The following HMCN1 variants were observed in gnomAD, a reference collection of about 807,000 sequenced individuals.
HMCN1 encodes hemicentin-1.
HMCN1 carries 321 observed loss-of-function variants against 625.9 expected under a neutral mutation model. The ratio of observed to expected loss-of-function variants is 0.51; its 90% CI spans 0.47 to 0.56. The LOEUF is 0.56. Ranked by LOEUF, HMCN1 falls within the 20% of genes least tolerant of loss-of-function variation. HMCN1 has a pLI of 0.00. For synonymous variants in HMCN1, 2,425 were observed against 2,417.6 expected (o/e 1.00, Z -0.09); for missense variants, 6,588 against 6,887.3 (o/e 0.96, Z 1.54).
At chr1:185,924,586 C>A (rs1271388488) in intron 8 of HMCN1, among the ~76,000 whole-genome samples, 1 of 151,966 alleles carries the variant, frequency 6.6e-6, no homozygotes, top group Non-Finnish European at 1.5e-5. Context: ...TCCTCATATA[C>A]GATATTCAAA....
chr1:185,821,964 A>G (rs2102270120), intron 1 of HMCN1, among the ~76,000 whole-genome samples: 1 of 152,256 alleles, frequency 6.6e-6, no homozygotes, highest in African/African-American at 2.4e-5. Context: ...CCAATCTGAA[A>G]AGGCTATGTA....
chr1:186,040,828 A>T (rs1412714829), intron 39 of HMCN1, among the ~76,000 whole-genome samples, 185 bp from the exon 40 acceptor site: 1 of 151,154 alleles, frequency 6.6e-6, no homozygotes, highest in Non-Finnish European at 1.5e-5. Context: ...CAGCCTCTTA[A>T]CATCCTTCCA....
At chr1:185,816,341 T>C (rs896746738) in intron 1 of HMCN1, among the ~76,000 whole-genome samples, 2 of 152,190 alleles carry the variant, frequency 1.3e-5, no homozygotes, top group Admixed American at 1.3e-4. Context: ...CTACTCTTTG[T>C]ACTTTGGGGA....
Position 186,144,596 on chromosome 1 carries a change from C to A in HMCN1, c.14159C>A (p.Ala4720Asp), listed in dbSNP as rs1373522788. 2 of 1,613,866 alleles carry A rather than the reference C, an allele frequency of 1.2e-6. No individual in the cohort carries two copies. The highest frequency in any genetic ancestry group is 2.7e-5 in the African/African-American group (2 of 74,870). ...TGTTCTGTGTCATGTGGAGGAGGTGCCAGACAGAGAACAAGGGGCTGCTCC... is the reference window on the plus strand; with the variant it reads ...TGTTCTGTGTCATGTGGAGGAGGTGACAGACAGAGAACAAGGGGCTGCTCC... ...SACSVSCGGGARQRTRGCSDP... is the reference protein window; with the variant it reads ...SACSVSCGGGDRQRTRGCSDP... Residue 4720 changes from alanine (A) to aspartate (D), a missense_variant, in exon 91 of 107, where the codon GCC becomes GAC. Ala to Asp is a moderately radical substitution (Grantham distance 126). Coordinates refer to ENST00000271588, the MANE Select transcript of HMCN1 (RefSeq NM_031935.3).
chr1:186,021,738 A>G (rs1003829331), intron 35 of HMCN1, among the ~76,000 whole-genome samples: 1 of 151,984 alleles, frequency 6.6e-6, no homozygotes, highest in African/African-American at 2.4e-5. Flanking sequence ...CTGAGTTCAG[A>G]TTTCATTCTG....
At chr1:185,916,194 T>A (rs1288602107) in intron 6 of HMCN1, among the ~76,000 whole-genome samples, 2 of 152,134 alleles carry the variant, frequency 1.3e-5, no homozygotes, top group Admixed American at 1.3e-4. Flanking sequence ...TATGATTGTG[T>A]CTTTGACACA....
chr1:186,131,447 C>G (rs1360974752), intron 85 of HMCN1, among the ~76,000 whole-genome samples: 1 of 152,110 alleles, frequency 6.6e-6, no homozygotes, highest in Non-Finnish European at 1.5e-5. Context: ...CTTGGTACTT[C>G]TAATACCAAT....
intron 11 of HMCN1, among the ~76,000 whole-genome samples, chr1:185,936,699 C>G (rs1431144346): frequency 1.3e-5 from 2 of 152,086 alleles, no homozygotes; most frequent in African/African-American, 4.8e-5. Context: ...ATGTATGTTT[C>G]CCACCAATGA....
chr1:186,101,419 G>T (rs1303824356), intron 68 of HMCN1, among the ~76,000 whole-genome samples: 1 of 152,092 alleles, frequency 6.6e-6, no homozygotes, highest in Non-Finnish European at 1.5e-5. Flanking sequence ...AATAGGTTCA[G>T]TCTGAATACA....
chr1:185,815,401 T>C (rs1322126851), intron 1 of HMCN1, among the ~76,000 whole-genome samples: 3 of 150,236 alleles, frequency 2.0e-5, no homozygotes, highest in African/African-American at 5.1e-5. Context: ...AATAGCATTG[T>C]AAGTGCTTAT....
intron 40 of HMCN1, 89 bp from the exon 41 acceptor site, chr1:186,045,597 TAA>T: frequency 1.0e-6 from 1 of 968,052 alleles, no homozygotes; most frequent in East Asian, 2.4e-5. Context: ...AAAGAACCAA[TAA>T]AGGTATTCAG....
At chr1:186,165,710 G>C (rs1382380877) in intron 98 of HMCN1, among the ~76,000 whole-genome samples, 1 of 152,180 alleles carries the variant, frequency 6.6e-6, no homozygotes, top group Non-Finnish European at 1.5e-5. Flanking sequence ...TCATTGGTAG[G>C]CAATGTAATA....
At chr1:186,105,844 A>G (rs758106492) in intron 69 of HMCN1, among the ~76,000 whole-genome samples, 12 of 152,216 alleles carry the variant, frequency 7.9e-5, no homozygotes, top group Non-Finnish European at 1.8e-4. Flanking sequence ...GATGATATCA[A>G]TTGTGAATGA....
At chr1:186,093,778 GT>G (rs1367532905) in intron 66 of HMCN1, 109 bp downstream of exon 66, 4 of 1,443,454 alleles carry the variant, frequency 2.8e-6, no homozygotes, top group Admixed American at 3.7e-5. Flanking sequence ...AGCCTTTACA[GT>G]TTTTTTCCCT....
intron 11 of HMCN1, among the ~76,000 whole-genome samples, chr1:185,942,565 A>T (rs7519247): frequency 0.43 from 65,727 of 152,070 alleles, 18,558 homozygotes; most frequent in African/African-American, 0.81. Flanking sequence ...TATCATACTT[A>T]ACTTCATCTA....
chr1:185,958,475 A>C (rs938450216), intron 11 of HMCN1, among the ~76,000 whole-genome samples: 2 of 152,176 alleles, frequency 1.3e-5, no homozygotes, highest in Non-Finnish European at 2.9e-5. Flanking sequence ...GTGGTGATCA[A>C]ATTTCATTTG....
In HMCN1 at chr1:185,953,936, G is replaced by T. The variant is rs577592878; in HGVS notation, c.1829-8582G>T. On this transcript the variant is annotated intron_variant, in intron 11 of 106. Coordinates refer to ENST00000271588, the MANE Select transcript of HMCN1 (RefSeq NM_031935.3). ...GTAAAGGAAAATTACAGTCAAAGGG[G>T]GGTTGTTCTCTGGTGGGCAGGAGTG... Among the ~76,000 whole-genome samples, 36 of 150,780 alleles carry T rather than the reference G, an allele frequency of 2.4e-4. No homozygotes were observed. The East Asian group carries it at 6.8e-3, about 29-fold the overall frequency.
intron 18 of HMCN1, among the ~76,000 whole-genome samples, chr1:185,983,850 A>G (rs1651827046): frequency 6.6e-6 from 1 of 152,256 alleles, no homozygotes; most frequent in South Asian, 2.1e-4. Flanking sequence ...TAAATATTAT[A>G]GTGAAATTTG....
chr1:185,966,035 G>C (rs928628755), intron 14 of HMCN1, 120 bp downstream of exon 14: 1 of 715,138 alleles, frequency 1.4e-6, no homozygotes, highest in African/African-American at 1.8e-5. Flanking sequence ...ATGTGTTTAT[G>C]ATCTCACTGG....
Sources: gnomAD v4.1 joint callset for allele counts (sites outside exome capture counted in the v4.1 genomes callset) on GRCh38, gnomAD v4.1.1 for gene constraint, MANE v1.5 for transcripts, NCBI Gene and HGNC (gene_info 2026-07-23, HGNC 2026-07-21) for gene names.